Variants in ASCC1 observed in about 807,000 individuals in gnomAD.
ASCC1 encodes activating signal cointegrator 1 complex subunit 1, also known as ASC-1 complex subunit P50.
ASCC1 carries 35 observed loss-of-function variants against 46.6 expected under a neutral mutation model. The ratio of observed to expected loss-of-function variants is 0.75; its 90% CI spans 0.57 to 0.99. ASCC1 has a LOEUF of 0.99. Ranked by LOEUF, ASCC1 falls within the 50% of genes least tolerant of loss-of-function variation. ASCC1 has a pLI of 0.00. For synonymous variants in ASCC1, 143 were observed against 146.6 expected (o/e 0.98, Z 0.18); for missense variants, 376 against 428.7 (o/e 0.88, Z 1.09).
chr10:72,120,481 AG>A (rs1441116976), intron 9 of ASCC1, among the ~76,000 whole-genome samples: 1 of 152,000 alleles, frequency 6.6e-6, no homozygotes, highest in Non-Finnish European at 1.5e-5. Flanking sequence ...GAAGAAAAAA[AG>A]GAATGGAAAC....
rs544545496 is a variant in ASCC1 at position 72,162,232 on chromosome 10, G to A, written c.490-558C>T. ...GTTGCCCAGGCTGGAGGGCAATGGC[G>A]TGATCTTGGCTCACTGCAAGCTCTG... On this transcript the variant is annotated intron_variant, in intron 5 of 9. Coordinates refer to ENST00000672957, the MANE Select transcript of ASCC1 (RefSeq NM_001198800.3). Among the ~76,000 whole-genome samples the A allele has an allele frequency of 1.2e-4, 19 of 152,180 alleles. No homozygotes were observed. The South Asian group carries it at 2.5e-3, about 20-fold the overall frequency.
intron 5 of ASCC1, 133 bp from the exon 6 acceptor site, chr10:72,161,807 A>G (rs974931530): frequency 1.1e-5 from 10 of 945,026 alleles, no homozygotes; most frequent in Non-Finnish European, 1.6e-5. Context: ...AGACCATTCA[A>G]TAGAGAAAGT....
intron 5 of ASCC1, among the ~76,000 whole-genome samples, chr10:72,178,492 A>C (rs1852143535): frequency 6.6e-6 from 1 of 152,216 alleles, no homozygotes; most frequent in Non-Finnish European, 1.5e-5. Context: ...CAGAGCAGTC[A>C]CGTGTCAAGG....
At chr10:72,155,703 A>G (rs1036777917) in intron 6 of ASCC1, among the ~76,000 whole-genome samples, 1 of 152,192 alleles carries the variant, frequency 6.6e-6, no homozygotes, top group African/African-American at 2.4e-5. Flanking sequence ...CTTTGTGTTA[A>G]GTAAAACCCC....
intron 5 of ASCC1, chr10:72,190,189 GC>G (rs1422839856): frequency 2.6e-6 from 2 of 764,056 alleles, no homozygotes; most frequent in Non-Finnish European, 4.8e-6. Context: ...CTTACGGCAA[GC>G]CTGTCCATCA....
At chr10:72,150,729 CA>C (rs199864140) in intron 7 of ASCC1, among the ~76,000 whole-genome samples, 4,964 of 152,244 alleles carry the variant, frequency 0.033, 220 homozygotes, top group African/African-American at 0.096. Context: ...CCAGAATCTA[CA>C]AAGAACTTAA....
intron 9 of ASCC1, among the ~76,000 whole-genome samples, chr10:72,111,341 T>C (rs1842901066): frequency 6.6e-6 from 1 of 152,036 alleles, no homozygotes; most frequent in African/African-American, 2.4e-5. Flanking sequence ...CAAAAATTAG[T>C]TGGGTGTGGC....
chr10:72,200,374 G>T (rs947716226), intron 4 of ASCC1, among the ~76,000 whole-genome samples: 1 of 151,986 alleles, frequency 6.6e-6, no homozygotes, highest in African/African-American at 2.4e-5. Context: ...ATTAGGGCTG[G>T]GCGCAGTGGC....
intron 9 of ASCC1, among the ~76,000 whole-genome samples, chr10:72,101,873 G>GTGAA (rs1841805037): frequency 6.6e-6 from 1 of 152,122 alleles, no homozygotes; most frequent in Non-Finnish European, 1.5e-5. Flanking sequence ...TGGAGCAGAT[G>GTGAA]TGAATGAATG....
chr10:72,176,828 T>A (rs1449059332), intron 5 of ASCC1, among the ~76,000 whole-genome samples: 1 of 152,064 alleles, frequency 6.6e-6, no homozygotes, highest in Non-Finnish European at 1.5e-5. Flanking sequence ...ACAAGTGACA[T>A]TTCCTCTGCG....
At chr10:72,207,093 A>G (rs1420895357) in intron 3 of ASCC1, among the ~76,000 whole-genome samples, 1 of 152,174 alleles carries the variant, frequency 6.6e-6, no homozygotes, top group Non-Finnish European at 1.5e-5. Flanking sequence ...ACTGGACAGA[A>G]AAGAGGTTTA....
chr10:72,120,328 G>GA (rs1844044717), intron 9 of ASCC1, among the ~76,000 whole-genome samples: 5 of 152,200 alleles, frequency 3.3e-5, no homozygotes. Context: ...GGCTGAGAAA[G>GA]AATCTCTGAG....
chr10:72,167,885 A>C (rs1466152729), intron 5 of ASCC1, among the ~76,000 whole-genome samples: 3 of 151,948 alleles, frequency 2.0e-5, no homozygotes, highest in Admixed American at 1.3e-4. Flanking sequence ...CAGGCCTCCC[A>C]CCTGAAGCTA....
At chr10:72,135,170 C>T (rs1421724268) in intron 7 of ASCC1, among the ~76,000 whole-genome samples, 1 of 152,164 alleles carries the variant, frequency 6.6e-6, no homozygotes, top group Non-Finnish European at 1.5e-5. Flanking sequence ...GGGAAATGGA[C>T]AGAACAAGAC....
intron 5 of ASCC1, among the ~76,000 whole-genome samples, chr10:72,174,464 G>A (rs1345052030): frequency 1.3e-5 from 2 of 152,030 alleles, no homozygotes; most frequent in East Asian, 3.9e-4. Flanking sequence ...CCATGAGATG[G>A]GATACAACAC....
chr10:72,121,532 G>GAAAAGA (rs60961267), intron 9 of ASCC1, among the ~76,000 whole-genome samples: 23,302 of 146,458 alleles, frequency 0.16, 5,774 homozygotes, highest in African/African-American at 0.53. Flanking sequence ...AAAAAAAAAA[G>GAAAAGA]AAAAGTAAAT....
chr10:72,125,161 A>T (rs530141544), intron 9 of ASCC1, among the ~76,000 whole-genome samples: 5 of 152,350 alleles, frequency 3.3e-5, no homozygotes, highest in Admixed American at 3.3e-4. Context: ...TAGAATAGCA[A>T]TTGGCTGTTA....
intron 5 of ASCC1, chr10:72,190,257 C>CTG: frequency 1.3e-6 from 1 of 773,454 alleles, no homozygotes; most frequent in South Asian, 1.3e-5. Flanking sequence ...GAGGAATGAG[C>CTG]TGGATGTCAC....
chr10:72,123,682 A>C (rs565299188), intron 9 of ASCC1, among the ~76,000 whole-genome samples: 406 of 152,282 alleles, frequency 2.7e-3, no homozygotes, highest in Non-Finnish European at 5.0e-3. Flanking sequence ...AAAAAAATTG[A>C]ATTTATCTTT....
Sources: allele counts gnomAD v4.1 joint callset (sites outside exome capture counted in the v4.1 genomes callset), GRCh38; gene constraint gnomAD v4.1.1; transcripts MANE v1.5; gene names NCBI Gene and HGNC (gene_info 2026-07-23, HGNC 2026-07-21).